Variants in EMP2 observed in about 807,000 individuals in gnomAD.
The protein encoded by EMP2 is epithelial membrane protein 2.
A neutral mutation model predicts 13.7 loss-of-function variants in EMP2; 19 were observed. The observed-to-expected ratio is 1.38, with a 90% CI of 0.97 to 2.03. The LOEUF (loss-of-function observed/expected upper bound fraction) is 2.03, where lower values mean the gene tolerates loss of function less well. Among genes scored for constraint, EMP2 ranks in the 30% most tolerant of loss-of-function variants. The pLI, the probability that EMP2 is intolerant of heterozygous loss-of-function variation, is 0.00. For synonymous variants in EMP2, 97 were observed against 84.7 expected (o/e 1.15, Z -0.80); for missense variants, 253 against 220.7 (o/e 1.15, Z -0.93).
At chr16:10,569,243 G>A (rs2050930768) in intron 1 of EMP2, among the ~76,000 whole-genome samples, 1 of 152,228 alleles carries the variant, frequency 6.6e-6, no homozygotes, top group Non-Finnish European at 1.5e-5. Context: ...GATCATTTCT[G>A]TGGGTGCACC....
At chr16:10,548,141 G>A (rs771580653) in intron 1 of EMP2, among the ~76,000 whole-genome samples, 8 of 152,200 alleles carry the variant, frequency 5.3e-5, no homozygotes, top group Non-Finnish European at 1.2e-4. Flanking sequence ...CATGAGAGGG[G>A]CTGTCTGCTG....
At chr16:10,576,754 CT>C (rs2050986722) in intron 1 of EMP2, 1 of 152,176 alleles carries the variant, frequency 6.6e-6, no homozygotes, top group Admixed American at 6.5e-5. Context: ...ACTTTAGCAG[CT>C]ACTCATTAAG....
chr16:10,571,714 A>G lies in EMP2; in HGVS notation c.-61+8835T>C, dbSNP rs78991046. Among the ~76,000 whole-genome samples the G allele has an allele frequency of 1.8e-3, 279 of 152,332 alleles. 1 individual carries two copies. Among genetic ancestry groups the G allele is most frequent in the African/African-American group, 6.4e-3 (266 of 41,576 alleles). On this transcript the variant is annotated intron_variant, in intron 1 of 4. Coordinates refer to ENST00000359543, the MANE Select transcript of EMP2 (RefSeq NM_001424.6). ...GGATACAGGTCATGGAGCTTGTGCAATTGTCAAGGCAAAAGATGGCAGCGG... is the reference window on the plus strand; with the variant it reads ...GGATACAGGTCATGGAGCTTGTGCAGTTGTCAAGGCAAAAGATGGCAGCGG...
intron 3 of EMP2, among the ~76,000 whole-genome samples, chr16:10,538,362 A>G (rs1412219034): frequency 6.6e-6 from 1 of 152,206 alleles, no homozygotes; most frequent in Non-Finnish European, 1.5e-5. Flanking sequence ...CAGACCCCAC[A>G]TGCTTGGCTC....
At chr16:10,541,249 T>C (rs983828291) in intron 3 of EMP2, among the ~76,000 whole-genome samples, 2 of 126,522 alleles carry the variant, frequency 1.6e-5, no homozygotes, top group African/African-American at 6.5e-5. Context: ...CTAAATACAG[T>C]AGATTTATGT....
At chr16:10,538,124 ACT>A (rs1213080910) in intron 3 of EMP2, 50 bp from the exon 4 acceptor site, 5 of 1,602,236 alleles carry the variant, frequency 3.1e-6, no homozygotes, top group Non-Finnish European at 1.7e-6. Context: ...GCCAGCCGGC[ACT>A]GTGGGGTACA....
intron 1 of EMP2, among the ~76,000 whole-genome samples, chr16:10,550,606 G>A (rs193181872): frequency 6.6e-6 from 1 of 152,232 alleles, no homozygotes; most frequent in Non-Finnish European, 1.5e-5. Context: ...TCCCATCATT[G>A]GTGATGCTAA....
In EMP2 at chr16:10,561,995, T is replaced by C. The variant is rs146497434; in HGVS notation, c.-60-14318A>G. Among the ~76,000 whole-genome samples, 21 of 152,282 alleles carry C rather than the reference T, an allele frequency of 1.4e-4. No individual in the cohort carries two copies. The East Asian group carries it at 3.9e-3, about 28-fold the overall frequency. Reference sequence around the variant, plus strand: ...TCATGGGTGAATTCTGCCAAACACTTAAGGAAGAATAATACCAATTCTAAA... The same window carrying C: ...TCATGGGTGAATTCTGCCAAACACTCAAGGAAGAATAATACCAATTCTAAA... On this transcript the variant is annotated intron_variant, in intron 1 of 4. Transcript: ENST00000359543.
rs1447382366 is a variant in EMP2, at chr16:10,563,198, TA to T, written c.-60-15522del. Among the ~76,000 whole-genome samples, 61 of 152,124 alleles carry T rather than the reference TA, an allele frequency of 4.0e-4. 1 individual carries two copies. Among genetic ancestry groups the T allele is most frequent in the African/African-American group, 1.4e-3 (58 of 41,494 alleles). ...AGCATTTCCTCTTTATTATTATTAT[TA>T]TTATTATTTTGAGATGGAGTCTCAC... On this transcript the variant is annotated intron_variant, in intron 1 of 4. Transcript: ENST00000359543.
At chr16:10,566,238 T>C (rs1274364803) in intron 1 of EMP2, among the ~76,000 whole-genome samples, 3 of 152,216 alleles carry the variant, frequency 2.0e-5, no homozygotes, top group African/African-American at 4.8e-5. Context: ...ACCCACTTTC[T>C]AACATAAATA....
intron 1 of EMP2, among the ~76,000 whole-genome samples, chr16:10,561,741 G>A (rs1394260398): frequency 6.6e-6 from 1 of 152,162 alleles, no homozygotes; most frequent in African/African-American, 2.4e-5. Flanking sequence ...TGTTTTTGCA[G>A]GACAGTATTC....
At chr16:10,545,314 T>A (rs1041038797) in intron 2 of EMP2, 1 of 152,084 alleles carries the variant, frequency 6.6e-6, no homozygotes, top group African/African-American at 2.4e-5. Flanking sequence ...GAATGGTGGG[T>A]CCAAATACTA....
intron 3 of EMP2, 140 bp from the exon 4 acceptor site, chr16:10,538,214 G>T (rs902700030): frequency 2.0e-6 from 2 of 1,012,646 alleles, no homozygotes; most frequent in East Asian, 2.6e-5. Flanking sequence ...TACATGGTCT[G>T]AGCACAAGGG....
In EMP2 at chr16:10,580,386, G is replaced by A. The variant is rs1430034963; in HGVS notation, c.-61+163C>T. Among the ~76,000 whole-genome samples, 1 of 152,236 alleles carries A rather than the reference G, an allele frequency of 6.6e-6. No homozygotes were observed. The highest frequency in any genetic ancestry group is 1.9e-4 in the East Asian group (1 of 5,192). Reference sequence around the variant, plus strand: ...GGAGCGAGCGTGGCGCAGACCAGAGGTCGGCGGCATGGGTGGCACCTCGGC... The same window carrying A: ...GGAGCGAGCGTGGCGCAGACCAGAGATCGGCGGCATGGGTGGCACCTCGGC... On this transcript the variant is annotated intron_variant, in intron 1 of 4. Transcript: ENST00000359543. This position sits in a 1 kb window ranked among gnomAD's most constrained non-coding sequence, Gnocchi z 4.3.
chr16:10,535,161 C>T (rs1028486869), intron 4 of EMP2, among the ~76,000 whole-genome samples: 5 of 152,092 alleles, frequency 3.3e-5, no homozygotes, highest in Admixed American at 3.3e-4. Context: ...CTGCTGCTTG[C>T]GTCTAAAGAT....
intron 1 of EMP2, among the ~76,000 whole-genome samples, chr16:10,559,748 C>G (rs9939650): frequency 0.014 from 2,065 of 152,264 alleles, 52 homozygotes; most frequent in African/African-American, 0.047. Context: ...GATCTCAGCT[C>G]ACTGTAACCT....
At chr16:10,554,229 A>T (rs554902735) in intron 1 of EMP2, among the ~76,000 whole-genome samples, 1 of 152,166 alleles carries the variant, frequency 6.6e-6, no homozygotes, top group African/African-American at 2.4e-5. Flanking sequence ...ACAGGGTTTC[A>T]CTATGTTGGC....
Position 10,547,600 on chromosome 16 carries a change from A to T in EMP2, c.18T>A (p.Ala6=), listed in dbSNP as rs1314445387. The change falls in exon 2 of 5, where the codon GCT becomes GCA. Residue 6 remains alanine (A), a synonymous_variant. Coordinates refer to ENST00000359543, the MANE Select transcript of EMP2 (RefSeq NM_001424.6). ...AGGTGATGTGGAAGGCGATGATGAA[A>T]GCAAGAAGCACCAACATTTTCACAG... MLVLL[A]FIIAFHITSA... 3.7e-6 allele frequency: 6 copies of T among 1,614,208 alleles called. No individual in the cohort carries two copies. The South Asian group carries it at 6.6e-5, about 18-fold the overall frequency.
chr16:10,547,545 C>A lies in EMP2; in HGVS notation c.73G>T (p.Asp25Tyr). ...TGGCAGGAAAGGAAACTTACATTGTCGACGGTGGCAATGAACAGCAAGGCT... is the reference window on the plus strand; with the variant it reads ...TGGCAGGAAAGGAAACTTACATTGTAGACGGTGGCAATGAACAGCAAGGCT... Reference protein sequence around the residue: ...SAALLFIATVDNAWWVGDEFF... With the variant: ...SAALLFIATVYNAWWVGDEFF... The change falls in exon 2 of 5, where the codon GAC (aspartate) becomes TAC (tyrosine). Residue 25 changes from aspartate to tyrosine, a missense_variant. By Grantham distance (160) the Asp-to-Tyr change is radical. Transcript: ENST00000359543. The A allele has an allele frequency of 6.2e-7, 1 of 1,613,916 alleles. No homozygotes were observed. The highest frequency in any genetic ancestry group is 8.5e-7 in the Non-Finnish European group (1 of 1,179,994).
Sources: allele counts gnomAD v4.1 joint callset (sites outside exome capture counted in the v4.1 genomes callset), GRCh38; gene constraint gnomAD v4.1.1; non-coding constraint Gnocchi (gnomAD v3.1); transcripts MANE v1.5; gene names NCBI Gene and HGNC (gene_info 2026-07-23, HGNC 2026-07-21).